The following FADS3 variants were observed in gnomAD, a reference collection of about 807,000 sequenced individuals.
The protein encoded by FADS3 is fatty acid desaturase 3.
Under a neutral mutation model 60.4 loss-of-function variants are expected in FADS3, and 30 were observed. The observed-to-expected ratio is 0.50, with a 90% confidence interval of 0.37 to 0.67. FADS3 has a LOEUF of 0.67. FADS3 is among the 30% of genes least tolerant of loss of function. FADS3 has a pLI of 0.00. For synonymous variants in FADS3, 234 were observed against 249.3 expected (o/e 0.94, Z 0.58); for missense variants, 432 against 598.3 (o/e 0.72, Z 2.90).
Position 61,876,395 on chromosome 11 carries a change from G to A in FADS3, c.1044C>T (p.Ile348=), listed in dbSNP as rs375891020. Residue 348 remains isoleucine (I), a synonymous_variant, in exon 9 of 12, where the codon ATC becomes ATT. Transcript: ENST00000278829. The surrounding 1 kb of genome is among the most constrained non-coding windows in gnomAD (Gnocchi z 5.7). ...CCCAGTCCCGGTGCTTCTCGTGGCCGATCTCCTTGGGGATGTGGTTCATCT... is the reference window on the plus strand; with the variant it reads ...CCCAGTCCCGGTGCTTCTCGTGGCCAATCTCCTTGGGGATGTGGTTCATCT... ...ITQMNHIPKE[I]GHEKHRDWVS... 4.6e-5 allele frequency: 75 copies of A among 1,613,288 alleles called. No individual in the cohort carries two copies. Among genetic ancestry groups the A allele is most frequent in the African/African-American group, 3.9e-4 (29 of 74,980 alleles).
rs1591190445 is a variant in FADS3, at chr11:61,876,539, G to A, written c.984-84C>T. The A allele has an allele frequency of 8.8e-6, 10 of 1,141,420 alleles. No individual in the cohort carries two copies. The East Asian group carries it at 2.1e-4, about 24-fold the overall frequency. 70.7% of individuals were successfully genotyped at this position (1,141,420 alleles called of 1,614,324 possible). On this transcript the variant is annotated intron_variant, in intron 8 of 11. Coordinates refer to ENST00000278829, the MANE Select transcript of FADS3 (RefSeq NM_021727.5). This position sits in a 1 kb window ranked among gnomAD's most constrained non-coding sequence, Gnocchi z 5.7. ...GAGGCTGGAGAGCAGCTGTCCCCAA[G>A]TGGCCTTGACTTCCTTATCTGTACA...
In FADS3 at chr11:61,891,399, T is replaced by A; in HGVS notation, c.-18A>T. On this transcript the variant is annotated 5_prime_UTR_variant, in exon 1 of 12. Transcript: ENST00000278829. ...CCGCCCATGCTGCACGCACGAGTCC[T>A]GGGGATCCCAGGCGGTGGCCGAGGT... 1 of 1,403,260 alleles carries A rather than the reference T, an allele frequency of 7.1e-7. No individual in the cohort carries two copies. Among genetic ancestry groups the A allele is most frequent in the South Asian group, 1.5e-5 (1 of 65,916 alleles). The allele number at this position is 1,403,260 out of a possible 1,614,324, so 86.9% of individuals were successfully genotyped here.
rs777278320 is a variant in FADS3 at position 61,878,810 on chromosome 11, G to A, written c.560C>T (p.Ala187Val). 6 of 1,614,196 alleles carry A rather than the reference G, an allele frequency of 3.7e-6. No homozygotes were observed. The highest frequency in any genetic ancestry group is 1.1e-5 in the South Asian group (1 of 91,086). ...CCACCAGGACTTCTTGAAGATGGAG[G>A]CATGGCCCAGGTCATGCTGCAGACA... The part of the protein sequence containing the change: ...SWCLQHDLGH[A>V]SIFKKSWWNH... The change falls in exon 4 of 12, where the codon GCC becomes GTC. Residue 187 changes from alanine to valine, a missense_variant. Ala to Val is a moderately conservative substitution (Grantham distance 64, BLOSUM62 0). Coordinates refer to ENST00000278829, the MANE Select transcript of FADS3 (RefSeq NM_021727.5).
In FADS3 at chr11:61,891,302, T is replaced by A; in HGVS notation, c.80A>T (p.Gln27Leu). 1 of 1,530,154 alleles carries A rather than the reference T, an allele frequency of 6.5e-7. No homozygotes were observed. Among genetic ancestry groups the A allele is most frequent in the South Asian group, 1.2e-5 (1 of 83,824 alleles). The allele number at this position is 1,530,154 out of a possible 1,614,324, so 94.8% of individuals were successfully genotyped here. A position where few individuals can be genotyped will look rare whatever the true frequency, so the allele number is the denominator to read the frequency against. The change falls in exon 1 of 12, where the codon CAG becomes CTG. Residue 27 changes from glutamine to leucine, a missense_variant. Around this residue, in one of 5 missense-constraint regions of FADS3, gnomAD observed 167 missense variants for 188.8 expected, o/e 0.88. Coordinates refer to ENST00000278829, the MANE Select transcript of FADS3 (RefSeq NM_021727.5). Reference protein sequence around the residue: ...GAPLPTFCWEQIRAHDQPGDK... With the variant: ...GAPLPTFCWELIRAHDQPGDK... ...GCCGGGCTGGTCGTGCGCGCGGATC[T>A]GCTCCCAGCAGAAGGTGGGCAGCGG...
At chr11:61,879,949 G>A in intron 2 of FADS3, 92 bp downstream of exon 2, 1 of 1,038,634 alleles carries the variant, frequency 9.6e-7, no homozygotes, top group Non-Finnish European at 1.4e-6. Flanking sequence ...CGAATGCCGA[G>A]GGAGCTGCTC....
At chr11:61,882,698 G>C (rs1179324182) in intron 1 of FADS3, among the ~76,000 whole-genome samples, 2 of 152,166 alleles carry the variant, frequency 1.3e-5, no homozygotes, top group African/African-American at 4.8e-5. Context: ...TGAGAGTACA[G>C]GTGTGAGCCA....
chr11:61,890,954 G>A (rs984671350), intron 1 of FADS3, among the ~76,000 whole-genome samples: 2 of 152,192 alleles, frequency 1.3e-5, no homozygotes, highest in Admixed American at 6.5e-5. Context: ...GACCTGCTCC[G>A]TGGACAGCTG....
intron 4 of FADS3, 23 bp downstream of exon 4, chr11:61,878,723 C>A: frequency 1.2e-6 from 2 of 1,612,766 alleles, no homozygotes; most frequent in South Asian, 1.1e-5. Flanking sequence ...CAGCACCTGG[C>A]TGACCACCCA....
chr11:61,889,351 T>C (rs1163546919), intron 1 of FADS3, among the ~76,000 whole-genome samples: 1 of 151,840 alleles, frequency 6.6e-6, no homozygotes, highest in Non-Finnish European at 1.5e-5. Flanking sequence ...AGTGATGAAA[T>C]AAAAGCTTTC....
rs76996928 is a variant in FADS3, at chr11:61,883,454, C to A, written c.214-3303G>T. On this transcript the variant is annotated intron_variant, in intron 1 of 11. Transcript: ENST00000278829. ...TCCTTTGAAACTCCCCAGACACACA[C>A]GCACATGCAGACACACCCACCAGCC... 2.0e-5 allele frequency among the ~76,000 whole-genome samples: 3 copies of A among 152,182 alleles called. No individual in the cohort carries two copies. In the South Asian group the frequency reaches 6.2e-4, roughly 31 times the overall value.
intron 1 of FADS3, among the ~76,000 whole-genome samples, chr11:61,884,600 G>A (rs1222437696): frequency 6.6e-6 from 1 of 152,188 alleles, no homozygotes; most frequent in African/African-American, 2.4e-5. Context: ...AGAAGCCAAG[G>A]GCCCAGCTGC....
intron 1 of FADS3, chr11:61,890,479 G>C (rs902697023): frequency 2.6e-5 from 4 of 152,352 alleles, no homozygotes; most frequent in African/African-American, 4.8e-5. Context: ...TAAGGAAAAG[G>C]GGCTGGTCGG....
At position 61,876,140 on chromosome 11, in the gene FADS3, G is replaced by A. The variant is rs147510302; in HGVS notation, c.1131C>T (p.Ser377=). The change falls in exon 10 of 12, where the codon AGC becomes AGT. Residue 377 remains serine (S), a synonymous_variant. Coordinates refer to ENST00000278829, the MANE Select transcript of FADS3 (RefSeq NM_021727.5). The surrounding 1 kb of genome is among the most constrained non-coding windows in gnomAD (Gnocchi z 5.7). ...VEPSLFTNWF[S]GHLNFQIEHH... is the part of the protein sequence containing the mutation. ...GCTCGATCTGGAAGTTGAGGTGCCCGCTGAACCAGTTGGTGAAAAGTGAGG... is the reference window on the plus strand; with the variant it reads ...GCTCGATCTGGAAGTTGAGGTGCCCACTGAACCAGTTGGTGAAAAGTGAGG... 1.4e-4 allele frequency: 223 copies of A among 1,600,998 alleles called. No individual in the cohort carries two copies. The highest frequency in any genetic ancestry group is 1.8e-4 in the Non-Finnish European group (208 of 1,174,192).
chr11:61,884,755 C>A (rs890652667), intron 1 of FADS3, among the ~76,000 whole-genome samples: 1 of 152,314 alleles, frequency 6.6e-6, no homozygotes, highest in South Asian at 2.1e-4. Context: ...CCCTGTCCCC[C>A]CAACCCCCAC....
rs759482591 is a variant in FADS3, at chr11:61,876,335, A to G, written c.1080+24T>C. 12 of 1,411,450 alleles carry G rather than the reference A, an allele frequency of 8.5e-6. No individual in the cohort carries two copies. Among genetic ancestry groups the G allele is most frequent in the East Asian group, 2.3e-5 (1 of 43,636 alleles). 87.4% of individuals were successfully genotyped at this position (1,411,450 alleles called of 1,614,324 possible). A position where few individuals can be genotyped will look rare whatever the true frequency, so the allele number is the denominator to read the frequency against. Reference sequence around the variant, plus strand: ...GCTGGGACCCCCCACCCCACCCAGGATGGGCCCCACCCCTGCTGCCCACCT... The same window carrying G: ...GCTGGGACCCCCCACCCCACCCAGGGTGGGCCCCACCCCTGCTGCCCACCT... On this transcript the variant is annotated intron_variant, in intron 9 of 11. Transcript: ENST00000278829. The surrounding 1 kb of genome is among the most constrained non-coding windows in gnomAD (Gnocchi z 5.7).
intron 11 of FADS3, 58 bp downstream of exon 11, chr11:61,875,793 G>C: frequency 6.3e-7 from 1 of 1,585,550 alleles, no homozygotes; most frequent in Admixed American, 1.7e-5. Context: ...ACCTGGACAA[G>C]GGTAGGCATA....
intron 5 of FADS3, 67 bp from the exon 6 acceptor site, chr11:61,878,282 AC>A: frequency 6.5e-7 from 1 of 1,545,652 alleles, no homozygotes; most frequent in Non-Finnish European, 8.9e-7. Flanking sequence ...GGGCAAGGTC[AC>A]GGGGCTGGCT....
chr11:61,881,245 G>C (rs1938119678), intron 1 of FADS3: 1 of 152,254 alleles, frequency 6.6e-6, no homozygotes, highest in East Asian at 1.9e-4. Flanking sequence ...CGATGCAGGA[G>C]AAGGAAGAAA....
chr11:61,878,313 A>C, intron 5 of FADS3, 98 bp from the exon 6 acceptor site: 1 of 1,421,890 alleles, frequency 7.0e-7, no homozygotes, highest in Non-Finnish European at 9.9e-7. Context: ...GGTCAAAGGC[A>C]ACTCTAGATT....
Sources: allele counts gnomAD v4.1 joint callset (sites outside exome capture counted in the v4.1 genomes callset), GRCh38; gene constraint gnomAD v4.1.1; regional missense constraint gnomAD v4.1.1; non-coding constraint Gnocchi (gnomAD v3.1); transcripts MANE v1.5; gene names NCBI Gene and HGNC (gene_info 2026-07-23, HGNC 2026-07-21).